The following ENOX1 variants were observed in gnomAD, a reference collection of about 807,000 sequenced individuals.
ENOX1 encodes candidate growth-related and time keeping constitutive hydroquinone (NADH) oxidase.
In ENOX1, 42 loss-of-function variants were observed where a neutral mutation model predicts 82.5. The ratio of observed to expected loss-of-function variants is 0.51; its 90% CI spans 0.40 to 0.66. ENOX1 has a LOEUF of 0.66. Ranked by LOEUF, ENOX1 falls within the 30% of genes least tolerant of loss-of-function variation. The pLI is 0.00. For missense variants in ENOX1, 608 were observed against 811.6 expected (o/e 0.75, Z 3.05); for synonymous variants, 271 against 282.2 (o/e 0.96, Z 0.40).
chr13:43,239,538 G>A (rs1249834944), intron 14 of ENOX1, among the ~76,000 whole-genome samples: 1 of 152,204 alleles, frequency 6.6e-6, no homozygotes, highest in Non-Finnish European at 1.5e-5. Context: ...AGAGTCAAGG[G>A]TGTGTCCAAG....
intron 2 of ENOX1, among the ~76,000 whole-genome samples, chr13:43,556,246 T>A (rs1593799031): frequency 7.0e-6 from 1 of 142,850 alleles, no homozygotes; most frequent in African/African-American, 2.6e-5. Context: ...TTTTTTTTTT[T>A]AACTCTAGAA....
At chr13:43,291,847 G>A (rs1182545487) in intron 12 of ENOX1, among the ~76,000 whole-genome samples, 1 of 152,232 alleles carries the variant, frequency 6.6e-6, no homozygotes, top group Non-Finnish European at 1.5e-5. Flanking sequence ...GTGAGTTCCA[G>A]GAGTTCCTAG....
intron 3 of ENOX1, among the ~76,000 whole-genome samples, chr13:43,415,708 T>G (rs1220624128): frequency 6.6e-6 from 1 of 152,118 alleles, no homozygotes; most frequent in East Asian, 1.9e-4. Context: ...CCCCCTTTTC[T>G]TTTTGACAAA....
intron 7 of ENOX1, among the ~76,000 whole-genome samples, chr13:43,356,927 T>C (rs1214952435): frequency 1.3e-5 from 2 of 152,068 alleles, no homozygotes; most frequent in Non-Finnish European, 2.9e-5. Flanking sequence ...AGCCCAGAGC[T>C]AGACAAAGAA....
intron 2 of ENOX1, among the ~76,000 whole-genome samples, chr13:43,658,934 A>T (rs2084580499): frequency 6.6e-6 from 1 of 152,092 alleles, no homozygotes; most frequent in Non-Finnish European, 1.5e-5. Flanking sequence ...TTTTTGAGAA[A>T]TTTTGGTGAA....
intron 2 of ENOX1, among the ~76,000 whole-genome samples, chr13:43,512,476 T>C (rs2077404175): frequency 6.6e-6 from 1 of 152,196 alleles, no homozygotes; most frequent in Non-Finnish European, 1.5e-5. Context: ...TGAAACACTT[T>C]GCCAATGAGC....
intron 1 of ENOX1, among the ~76,000 whole-genome samples, chr13:43,686,999 G>A (rs200113865): frequency 4.1e-5 from 2 of 48,894 alleles, no homozygotes; most frequent in South Asian, 6.8e-4. Context: ...TCACAAAAAA[G>A]TATATATACA....
At chr13:43,695,430 T>TA (rs970554140) in intron 1 of ENOX1, among the ~76,000 whole-genome samples, 5 of 136,692 alleles carry the variant, frequency 3.7e-5, no homozygotes, top group South Asian at 2.4e-4. Context: ...CTTTTACTTT[T>TA]AAAAAAATCT....
At chr13:43,750,280 G>A (rs1019042177) in intron 1 of ENOX1, among the ~76,000 whole-genome samples, 3 of 152,166 alleles carry the variant, frequency 2.0e-5, no homozygotes, top group Non-Finnish European at 4.4e-5. Flanking sequence ...ATCTACAGTA[G>A]AATCAGTGCA....
intron 1 of ENOX1, among the ~76,000 whole-genome samples, chr13:43,715,970 C>A (rs913550850): frequency 6.6e-6 from 1 of 152,176 alleles, no homozygotes. Context: ...AATTTTTTCT[C>A]AAAGTTTTTA....
intron 2 of ENOX1, among the ~76,000 whole-genome samples, chr13:43,611,360 A>T (rs1460630725): frequency 1.3e-5 from 2 of 152,354 alleles, no homozygotes; most frequent in East Asian, 1.9e-4. Context: ...AAGGGTTTGA[A>T]GCAAGGATCT....
At chr13:43,501,017 C>A (rs1442616900) in intron 2 of ENOX1, among the ~76,000 whole-genome samples, 1 of 151,412 alleles carries the variant, frequency 6.6e-6, no homozygotes, top group African/African-American at 2.4e-5. Context: ...TAAAACAAGA[C>A]AACTAACAAT....
intron 12 of ENOX1, among the ~76,000 whole-genome samples, chr13:43,283,296 T>C (rs1472883209): frequency 6.6e-6 from 1 of 152,120 alleles, no homozygotes; most frequent in African/African-American, 2.4e-5. Flanking sequence ...GGTTGTTCTC[T>C]TTTTTTCTTG....
intron 2 of ENOX1, among the ~76,000 whole-genome samples, chr13:43,566,688 TA>T (rs2079935322): frequency 6.6e-6 from 1 of 152,044 alleles, no homozygotes; most frequent in African/African-American, 2.4e-5. Flanking sequence ...TTATTTGTAC[TA>T]AATGTTATCT....
chr13:43,463,260 C>G (rs2057570918), intron 3 of ENOX1, among the ~76,000 whole-genome samples: 1 of 152,126 alleles, frequency 6.6e-6, no homozygotes, highest in South Asian at 2.1e-4. Flanking sequence ...ATGAACCAGG[C>G]CCTTTAATTT....
chr13:43,414,746 A>G (rs1471771912), intron 3 of ENOX1, among the ~76,000 whole-genome samples: 2 of 152,126 alleles, frequency 1.3e-5, no homozygotes, highest in Non-Finnish European at 2.9e-5. Context: ...ATCTCCCCAA[A>G]TGAAGTTTAG....
intron 1 of ENOX1, among the ~76,000 whole-genome samples, chr13:43,773,461 G>A (rs1178472096): frequency 6.6e-6 from 1 of 152,022 alleles, no homozygotes; most frequent in African/African-American, 2.4e-5. Flanking sequence ...AGCATAATTG[G>A]GTCCTAACCT....
intron 8 of ENOX1, among the ~76,000 whole-genome samples, chr13:43,349,227 T>C (rs972556516): frequency 6.6e-6 from 1 of 152,240 alleles, no homozygotes; most frequent in African/African-American, 2.4e-5. Flanking sequence ...GATCCCGTTA[T>C]ACTTCAGGCT....
At position 43,450,191 on chromosome 13, in the gene ENOX1, T is replaced by A. The variant is rs576945611; in HGVS notation, c.-75+33818A>T. Among the ~76,000 whole-genome samples, 121 of 152,310 alleles carry A rather than the reference T, an allele frequency of 7.9e-4. 2 individuals carry two copies. Among genetic ancestry groups the A allele is most frequent in the African/African-American group, 2.8e-3 (118 of 41,568 alleles). On this transcript the variant is annotated intron_variant, in intron 3 of 16. Coordinates refer to ENST00000690772, the MANE Select transcript of ENOX1 (RefSeq NM_001347969.2). ...TTCTGGCTGATGAGGTGGCTTAGTA[T>A]CCTCATGGATTTTGGCTTGTTAGCC...
Sources: gnomAD v4.1 joint callset for allele counts (sites outside exome capture counted in the v4.1 genomes callset) on GRCh38, gnomAD v4.1.1 for gene constraint, MANE v1.5 for transcripts, NCBI Gene and HGNC (gene_info 2026-07-23, HGNC 2026-07-21) for gene names.